Variants in STAB2 observed in about 807,000 individuals in gnomAD.
STAB2 encodes stabilin 2.
STAB2 carries 288 observed loss-of-function variants against 338.1 expected under a neutral mutation model. The ratio of observed to expected loss-of-function variants is 0.85; its 90% CI spans 0.77 to 0.94. The LOEUF is 0.94. Among genes scored for constraint, STAB2 ranks in the 40% least tolerant of loss-of-function variants. STAB2 has a pLI of 0.00. For synonymous variants in STAB2, 1,202 were observed against 1,193.3 expected (o/e 1.01, Z -0.15); for missense variants, 3,141 against 3,210.1 (o/e 0.98, Z 0.52).
intron 30 of STAB2, among the ~76,000 whole-genome samples, 199 bp from the exon 31 acceptor site, chr12:103,692,613 G>C (rs1384816077): frequency 6.9e-6 from 1 of 144,742 alleles, no homozygotes; most frequent in East Asian, 2.1e-4. Context: ...GTGTGTGTGT[G>C]CGTGTGCACG....
intron 16 of STAB2, 70 bp from the exon 17 acceptor site, chr12:103,660,613 G>A (rs1234093426): frequency 9.2e-6 from 14 of 1,519,000 alleles, no homozygotes; most frequent in African/African-American, 4.1e-5. Flanking sequence ...TTTCTAGTGA[G>A]GACTTTAAGA....
intron 3 of STAB2, among the ~76,000 whole-genome samples, chr12:103,612,360 AT>A (rs1957138387): frequency 6.6e-6 from 1 of 152,136 alleles, no homozygotes; most frequent in Admixed American, 6.5e-5. Context: ...ATAGTCCCAT[AT>A]TTCTTGGAGG....
At chr12:103,718,035 C>A (rs1334986530) in intron 44 of STAB2, among the ~76,000 whole-genome samples, 194 bp downstream of exon 44, 1 of 152,106 alleles carries the variant, frequency 6.6e-6, no homozygotes, top group Non-Finnish European at 1.5e-5. Context: ...CAGTCTGCTA[C>A]CCCCAGCCTG....
chr12:103,716,439 G>A (rs1880319029), intron 43 of STAB2, among the ~76,000 whole-genome samples: 1 of 152,098 alleles, frequency 6.6e-6, no homozygotes, highest in South Asian at 2.1e-4. Flanking sequence ...ACCCAAGTTC[G>A]GCCTTCCTCA....
chr12:103,689,262 C>A (rs959653063), intron 28 of STAB2, among the ~76,000 whole-genome samples: 2 of 152,080 alleles, frequency 1.3e-5, no homozygotes, highest in African/African-American at 4.8e-5. Flanking sequence ...GTGGGTGGAT[C>A]AGGTGAGGTT....
Position 103,654,703 on chromosome 12 carries a change from G to A in STAB2, c.1551+5G>A, listed in dbSNP as rs375270787. Reference sequence around the variant, plus strand: ...ACATTTGAGAGCAACAATGAGGTGAGTATTCAGATAAAAGTCACATCAGGC... The same window carrying A: ...ACATTTGAGAGCAACAATGAGGTGAATATTCAGATAAAAGTCACATCAGGC... On this transcript the variant is annotated splice_donor_5th_base_variant and intron_variant, in intron 13 of 68. Coordinates refer to ENST00000388887, the MANE Select transcript of STAB2 (RefSeq NM_017564.10). 1 of 1,612,742 alleles carries A rather than the reference G, an allele frequency of 6.2e-7. No individual in the cohort carries two copies. Among genetic ancestry groups the A allele is most frequent in the Non-Finnish European group, 8.5e-7 (1 of 1,179,562 alleles).
chr12:103,735,715 C>T, intron 52 of STAB2, 135 bp downstream of exon 52: 2 of 702,746 alleles, frequency 2.8e-6, no homozygotes, highest in South Asian at 4.4e-5. Context: ...TTTCTCACTA[C>T]CTTCAGAGGT....
chr12:103,681,901 A>G (rs372364168), intron 25 of STAB2, among the ~76,000 whole-genome samples: 3 of 151,854 alleles, frequency 2.0e-5, no homozygotes, highest in African/African-American at 7.3e-5. Context: ...TTATTAATAT[A>G]AGGATACTGG....
intron 2 of STAB2, among the ~76,000 whole-genome samples, chr12:103,591,534 A>T (rs11111669): frequency 0.21 from 32,694 of 152,070 alleles, 4,491 homozygotes; most frequent in African/African-American, 0.38. Flanking sequence ...TACAAAATTG[A>T]CTTATTTTGT....
At chr12:103,669,472 A>C in intron 20 of STAB2, 69 bp from the exon 21 acceptor site, 5 of 1,336,904 alleles carry the variant, frequency 3.7e-6, no homozygotes, top group Non-Finnish European at 5.4e-6. Flanking sequence ...GGAAATTAAA[A>C]TGCATCCCCT....
chr12:103,761,458 C>G, intron 66 of STAB2, 48 bp downstream of exon 66: 1 of 1,533,410 alleles, frequency 6.5e-7, no homozygotes, highest in Non-Finnish European at 9.0e-7. Flanking sequence ...GCCCCGGTGC[C>G]CACTCACCAA....
rs1192370969 is a variant in STAB2, at chr12:103,749,007, G to A, written c.6289G>A (p.Ala2097Thr). 5 of 1,614,108 alleles carry A rather than the reference G, an allele frequency of 3.1e-6. No individual in the cohort carries two copies. Among genetic ancestry groups the A allele is most frequent in the Non-Finnish European group, 3.4e-6 (4 of 1,180,026 alleles). ...KQDNGGCAKVARCSQKGTKVS... is the reference protein window; with the variant it reads ...KQDNGGCAKVTRCSQKGTKVS... Reference sequence around the variant, plus strand: ...GGACAACGGGGGCTGTGCAAAGGTGGCCAGATGCTCCCAGAAGGGCACGAA... The same window carrying A: ...GGACAACGGGGGCTGTGCAAAGGTGACCAGATGCTCCCAGAAGGGCACGAA... Residue 2097 changes from alanine (A) to threonine (T), a missense_variant, in exon 59 of 69, where the codon GCC (alanine) becomes ACC (threonine). Ala to Thr is a moderately conservative substitution (Grantham distance 58, BLOSUM62 0). Transcript: ENST00000388887.
intron 3 of STAB2, among the ~76,000 whole-genome samples, chr12:103,616,000 C>T (rs867725230): frequency 2.0e-5 from 3 of 152,150 alleles, no homozygotes; most frequent in South Asian, 2.1e-4. Context: ...TGAGGAGGGC[C>T]TTGGAAATCT....
intron 65 of STAB2, among the ~76,000 whole-genome samples, chr12:103,759,719 G>C (rs1252188984): frequency 6.6e-6 from 1 of 151,832 alleles, no homozygotes; most frequent in Non-Finnish European, 1.5e-5. Flanking sequence ...TGATGATACA[G>C]GTCATTATTT....
chr12:103,660,582 A>T (rs1433557461), intron 16 of STAB2, 101 bp from the exon 17 acceptor site: 2 of 1,396,316 alleles, frequency 1.4e-6, no homozygotes, highest in Non-Finnish European at 2.0e-6. Context: ...CCCTTTACTT[A>T]TTTCACTTTG....
chr12:103,748,021 A>T (rs1267760093), intron 58 of STAB2, among the ~76,000 whole-genome samples: 1 of 151,548 alleles, frequency 6.6e-6, no homozygotes, highest in African/African-American at 2.4e-5. Context: ...AAAAGGGAAG[A>T]AGAAGAAGAA....
At position 103,695,648 on chromosome 12, in the gene STAB2, T is replaced by C. The variant is rs765354855; in HGVS notation, c.3474T>C (p.Ile1158=). The C allele has an allele frequency of 6.2e-6, 10 of 1,614,086 alleles. No individual in the cohort carries two copies. The Admixed American group carries it at 1.7e-4, about 27-fold the overall frequency. ...PDYSIFRGYI[I]QYNLANAIEA... ...ATTCCATCTTCCGGGGCTACATCAT[T>C]GCAAGTACCACATTCTCTGCCTGAC... Residue 1158 remains isoleucine, a splice_region_variant and synonymous_variant, in exon 32 of 69, where the codon ATT becomes ATC. Coordinates refer to ENST00000388887, the MANE Select transcript of STAB2 (RefSeq NM_017564.10).
At chr12:103,686,698 G>T (rs781705331) in intron 27 of STAB2, among the ~76,000 whole-genome samples, 1 of 152,114 alleles carries the variant, frequency 6.6e-6, no homozygotes, top group Non-Finnish European at 1.5e-5. Context: ...TAGAGACAGG[G>T]TCTCGCCATG....
intron 22 of STAB2, 101 bp from the exon 23 acceptor site, chr12:103,673,806 G>A (rs1346250598): frequency 1.6e-6 from 2 of 1,251,184 alleles, no homozygotes; most frequent in Admixed American, 2.2e-5. Context: ...AAGAGTGAGT[G>A]GGGGGTGAGA....
Sources: gnomAD v4.1 joint callset for allele counts (sites outside exome capture counted in the v4.1 genomes callset) on GRCh38, gnomAD v4.1.1 for gene constraint, MANE v1.5 for transcripts, NCBI Gene and HGNC (gene_info 2026-07-23, HGNC 2026-07-21) for gene names.